LARP1: variants seen among roughly 807,000 people sequenced by gnomAD.
LARP1 encodes the protein la-related protein 1.
In LARP1, 36 loss-of-function variants were observed where a neutral mutation model predicts 122.7. That is an observed-to-expected ratio of 0.29 (90% CI 0.22 to 0.39). LARP1 has a LOEUF of 0.39. LARP1 is among the 10% of genes least tolerant of loss of function. The probability of loss-of-function intolerance (pLI) is 1.00; values close to 1 mark genes in which losing one functional copy is unlikely to be tolerated. For synonymous variants in LARP1, 539 were observed against 528.7 expected (o/e 1.02, Z -0.27); for missense variants, 1,040 against 1,403.6 (o/e 0.74, Z 4.14).
At chr5:154,800,081 C>CT in intron 10 of LARP1, 39 bp downstream of exon 10, 2 of 1,594,606 alleles carry the variant, frequency 1.3e-6, no homozygotes, top group South Asian at 2.2e-5. Flanking sequence ...TTCTAGCACT[C>CT]TGAGCTAGGG....
At chr5:154,781,279 A>G (rs1421568508) in intron 1 of LARP1, among the ~76,000 whole-genome samples, 2 of 152,058 alleles carry the variant, frequency 1.3e-5, no homozygotes, top group East Asian at 1.9e-4. Context: ...CTGATTGTGC[A>G]TAGCTCATTT....
chr5:154,683,537 G>A (rs552102395), intron 1 of LARP1, among the ~76,000 whole-genome samples: 2 of 152,186 alleles, frequency 1.3e-5, no homozygotes, highest in African/African-American at 4.8e-5. Context: ...CTACCTGCTC[G>A]CCCTCTAGTT....
chr5:154,775,498 A>G (rs1410880126), intron 1 of LARP1, among the ~76,000 whole-genome samples: 2 of 151,588 alleles, frequency 1.3e-5, no homozygotes, highest in African/African-American at 4.8e-5. Context: ...TCCCTCAAAA[A>G]AAAAAAAAAA....
intron 1 of LARP1, among the ~76,000 whole-genome samples, chr5:154,693,870 A>G (rs944425650): frequency 1.9e-5 from 2 of 106,766 alleles, no homozygotes; most frequent in Non-Finnish European, 3.4e-5. Context: ...AAAAAAAAAA[A>G]AAGAAAGAAA....
At chr5:154,800,542 A>G (rs1469133501) in intron 10 of LARP1, among the ~76,000 whole-genome samples, 2 of 152,334 alleles carry the variant, frequency 1.3e-5, no homozygotes, top group East Asian at 3.9e-4. Context: ...AAGCCTGTTC[A>G]TACCTCAAGG....
intron 1 of LARP1, among the ~76,000 whole-genome samples, chr5:154,720,145 C>G (rs1452159937): frequency 6.6e-6 from 1 of 151,680 alleles, no homozygotes; most frequent in Non-Finnish European, 1.5e-5. Flanking sequence ...GAGCTGAGAT[C>G]GCACCACTGC....
At chr5:154,756,265 C>T (rs1753887166) in intron 1 of LARP1, 72 bp downstream of exon 1, 3 of 1,092,688 alleles carry the variant, frequency 2.7e-6, no homozygotes, top group Non-Finnish European at 3.4e-6. Flanking sequence ...TCCCCCAGCA[C>T]CTCCAGGGCC....
Position 154,793,682 on chromosome 5 carries a change from C to CG in LARP1, c.829dup (p.Glu277GlyfsTer3). The CG allele has an allele frequency of 6.2e-7, 1 of 1,614,172 alleles. No homozygotes were observed. The highest frequency in any genetic ancestry group is 8.5e-7 in the Non-Finnish European group (1 of 1,180,010). ...CTGGCTTCACGCCCCACTCGCCCAC[C>CG]GGAGCCTAGACACATACCTGCCAAT... On this transcript the variant is annotated frameshift_variant, in exon 5 of 19. Coordinates refer to ENST00000518297, the MANE Select transcript of LARP1 (RefSeq NM_033551.3). LOFTEE classifies it high-confidence loss of function.
At position 154,817,216 on chromosome 5, in the gene LARP1, C is replaced by CT. The variant is rs1278581065; in HGVS notation, c.*3121dup. The CT allele has an allele frequency of 6.6e-6, 1 of 152,192 alleles. No individual in the cohort carries two copies. Among genetic ancestry groups the CT allele is most frequent in the Non-Finnish European group, 1.5e-5 (1 of 68,042 alleles). The allele number at this position is 152,192 out of a possible 1,614,324, so 9.4% of individuals were successfully genotyped here. On this transcript the variant is annotated 3_prime_UTR_variant, in exon 19 of 19. Transcript: ENST00000518297. ...CCTCCTGAATGGAACCCCAGAGTAC[C>CT]TCCTGTGTGGAAGGGTCCCTGGATT... is the stretch of plus-strand genomic sequence containing the variant.
rs1474068365 is a variant in LARP1 at position 154,744,672 on chromosome 5, C to G, written c.205+31542C>G. On this transcript the variant is annotated intron_variant, in intron 1 of 18. Coordinates refer to the LARP1 transcript ENST00000336314. Reference sequence around the variant, plus strand: ...TTTTTTTTTGAGACGGAGTCTCGCTCTGTCGCCCAGGCTGGAGTGCAGTGG... The same window carrying G: ...TTTTTTTTTGAGACGGAGTCTCGCTGTGTCGCCCAGGCTGGAGTGCAGTGG... 8.5e-5 allele frequency among the ~76,000 whole-genome samples: 8 copies of G among 94,516 alleles called. 1 individual carries two copies. The highest frequency in any genetic ancestry group is 1.3e-4 in the Non-Finnish European group (7 of 54,450). The allele number at this position is 94,516 out of a possible 152,430, so 62.0% of individuals were successfully genotyped here.
chr5:154,742,729 C>CA (rs542787090), intron 1 of LARP1, among the ~76,000 whole-genome samples: 964 of 77,064 alleles, frequency 0.013, 3 homozygotes, highest in African/African-American at 0.032. Context: ...GACCCTGTCT[C>CA]AAAAAAAAAA....
chr5:154,721,561 G>A (rs1329226884), intron 1 of LARP1, among the ~76,000 whole-genome samples: 3 of 150,008 alleles, frequency 2.0e-5, no homozygotes, highest in Non-Finnish European at 4.5e-5. Context: ...GCTGGGCACA[G>A]GTGAACTTCC....
Position 154,756,052 on chromosome 5 carries a change from C to A in LARP1, c.295C>A (p.Pro99Thr). ...CGACGGGGAGGAGGGCGGCGGCGAGCCAGGCGCTGGCGGAGGAGCTGCCGG... is the reference window on the plus strand; with the variant it reads ...CGACGGGGAGGAGGGCGGCGGCGAGACAGGCGCTGGCGGAGGAGCTGCCGG... ...ISDGEEGGGE[P>T]GAGGGAAGAA... Residue 99 changes from proline to threonine, a missense_variant, in exon 1 of 19, where the codon CCA becomes ACA. Pro to Thr is a conservative substitution (Grantham distance 38, BLOSUM62 -1). This residue lies in a region of LARP1 where 257 missense variants were observed against 273.3 expected (regional missense o/e 0.94). Coordinates refer to ENST00000518297, the MANE Select transcript of LARP1 (RefSeq NM_033551.3). 9.2e-7 allele frequency: 1 copy of A among 1,090,014 alleles called. No homozygotes were observed. The allele number at this position is 1,090,014 out of a possible 1,614,324, so 67.5% of individuals were successfully genotyped here. A position where few individuals can be genotyped will look rare whatever the true frequency, so the allele number is the denominator to read the frequency against.
chr5:154,727,097 A>C (rs1363694185), intron 1 of LARP1, among the ~76,000 whole-genome samples: 1 of 152,224 alleles, frequency 6.6e-6, no homozygotes, highest in Non-Finnish European at 1.5e-5. Context: ...TTTTATATGA[A>C]ATGTGGTTAA....
At chr5:154,779,686 T>G (rs1221084337) in intron 1 of LARP1, among the ~76,000 whole-genome samples, 1 of 152,078 alleles carries the variant, frequency 6.6e-6, no homozygotes, top group Admixed American at 6.5e-5. Flanking sequence ...TTTTGTATTT[T>G]TAGTAGAGAC....
At position 154,764,968 on chromosome 5, in the gene LARP1, C is replaced by T. The variant is rs182726532; in HGVS notation, c.436+8775C>T. ...CCAGATCTAAATGCTTGTACCGCCT[C>T]GTCTCTTGCTGGCCTGGACCATACA... On this transcript the variant is annotated intron_variant, in intron 1 of 18. Coordinates refer to ENST00000518297, the MANE Select transcript of LARP1 (RefSeq NM_033551.3). Among the ~76,000 whole-genome samples, 11 of 152,116 alleles carry T rather than the reference C, an allele frequency of 7.2e-5. No homozygotes were observed. The East Asian group carries it at 1.4e-3, about 19-fold the overall frequency.
Position 154,804,196 on chromosome 5 carries a change from T to C in LARP1, c.2440-5T>C. On this transcript the variant is annotated splice_polypyrimidine_tract_variant and splice_region_variant and intron_variant, in intron 13 of 18. Coordinates refer to ENST00000518297, the MANE Select transcript of LARP1 (RefSeq NM_033551.3). The stretch of plus-strand genomic sequence containing the variant: ...CAGTAACAAACCCTGGGCTAACCTT[T>C]GCAGATGCCTCGAAAAAGAAAGACA... 6.2e-7 allele frequency: 1 copy of C among 1,612,832 alleles called. No homozygotes were observed. The highest frequency in any genetic ancestry group is 8.5e-7 in the Non-Finnish European group (1 of 1,178,814).
intron 1 of LARP1, chr5:154,786,515 G>T (rs1471556029): frequency 4.4e-6 from 2 of 455,660 alleles, no homozygotes; most frequent in South Asian, 3.1e-5. Context: ...TGAGGAAGAA[G>T]ACCCTCCTAG....
chr5:154,807,523 T>C (rs1758884913), intron 15 of LARP1, among the ~76,000 whole-genome samples: 1 of 152,166 alleles, frequency 6.6e-6, no homozygotes, highest in Non-Finnish European at 1.5e-5. Flanking sequence ...ACACTTGTTA[T>C]TGTTTGTCTA....
Sources: gnomAD v4.1 joint callset for allele counts (sites outside exome capture counted in the v4.1 genomes callset) on GRCh38, gnomAD v4.1.1 for gene constraint, gnomAD v4.1.1 regional missense constraint, MANE v1.5 for transcripts, NCBI Gene and HGNC (gene_info 2026-07-23, HGNC 2026-07-21) for gene names.